The following PAQR9 variants were observed in gnomAD, a reference collection of about 807,000 sequenced individuals.
PAQR9 encodes membrane progestin receptor epsilon.
Under a neutral mutation model 24.0 loss-of-function variants are expected in PAQR9, and 12 were observed. The ratio of observed to expected loss-of-function variants is 0.50; its 90% CI spans 0.32 to 0.81. The LOEUF is 0.81. Among genes scored for constraint, PAQR9 ranks in the 30% least tolerant of loss-of-function variants. PAQR9 has a pLI of 0.03. For synonymous variants in PAQR9, 266 were observed against 237.6 expected (o/e 1.12, Z -1.10); for missense variants, 418 against 520.8 (o/e 0.80, Z 1.92).
downstream of PAQR9, chr3:142,952,648 G>A (rs1279773428): frequency 7.4e-6 from 3 of 404,334 alleles, no homozygotes; most frequent in African/African-American, 4.1e-5. Flanking sequence ...TCCTTTGTGA[G>A]TTACTTTGTT....
At chr3:142,963,951 C>T (rs1368529648), upstream of PAQR9, 8 of 914,462 alleles carry the variant, frequency 8.7e-6, no homozygotes, top group Admixed American at 1.2e-4. Flanking sequence ...GCGCCGAGTA[C>T]TAGAGTCGGC....
downstream of PAQR9, chr3:142,951,785 G>A (rs1481172342): frequency 2.2e-6 from 1 of 456,592 alleles, no homozygotes; most frequent in Non-Finnish European, 4.4e-6. Flanking sequence ...TTGATGTCAG[G>A]CATGAAAGTC....
rs1219584743 is a variant in PAQR9 at position 142,963,537 on chromosome 3, G to A, written c.-201C>T. The A allele has an allele frequency of 4.0e-6, 4 of 993,574 alleles. No individual in the cohort carries two copies. In the South Asian group the frequency reaches 1.4e-4, roughly 35 times the overall value. 61.5% of individuals were successfully genotyped at this position (993,574 alleles called of 1,614,324 possible). A position where few individuals can be genotyped will look rare whatever the true frequency, so the allele number is the denominator to read the frequency against. On this transcript the variant is annotated 5_prime_UTR_variant, in exon 1 of 1. Coordinates refer to ENST00000340634, the MANE Select transcript of PAQR9 (RefSeq NM_198504.4). ...ATAAGAGAATCAATTAATAGGCAGC[G>A]CTGCGACCGCCAGGAGCGCGGAGCG...
chr3:142,952,778 C>T (rs1211242162), downstream of PAQR9: 2 of 456,560 alleles, frequency 4.4e-6, no homozygotes, highest in Admixed American at 2.3e-5. Context: ...TGGGGAGGGA[C>T]AGGAAAACTT....
In PAQR9 at chr3:142,962,489, CAGAAGTAGCGGCGGT is replaced by C. The variant is rs1220560756; in HGVS notation, c.833_847del (p.Tyr278_Phe282del). 1 of 1,613,122 alleles carries C rather than the reference CAGAAGTAGCGGCGGT, an allele frequency of 6.2e-7. No homozygotes were observed. Among genetic ancestry groups the C allele is most frequent in the South Asian group, 1.1e-5 (1 of 90,980 alleles). On this transcript the variant is annotated inframe_deletion, in exon 1 of 1. Transcript: ENST00000340634. Reference sequence around the variant, plus strand: ...GTTGAAGAAGGCGGCCACCACCAGCCAGAAGTAGCGGCGGTAGAAGTGCACGAAGAGTGTGGGGTT... The same window carrying C: ...GTTGAAGAAGGCGGCCACCACCAGCCAGAAGTGCACGAAGAGTGTGGGGTT...
At chr3:142,963,720 C>A (rs926128853), upstream of PAQR9, 7 of 796,994 alleles carry the variant, frequency 8.8e-6, no homozygotes, top group Non-Finnish European at 1.1e-5. Flanking sequence ...GCCCCCGGAG[C>A]GGGAGGTGGG....
At position 142,962,264 on chromosome 3, in the gene PAQR9, A is replaced by T. The variant is rs773752770; in HGVS notation, c.1073T>A (p.Val358Asp). The change falls in exon 1 of 1, where the codon GTC becomes GAC. Residue 358 changes from valine to aspartate, a missense_variant. Around this residue, in one of 3 missense-constraint regions of PAQR9, gnomAD observed 230 missense variants for 305.2 expected, o/e 0.75. Coordinates refer to ENST00000340634, the MANE Select transcript of PAQR9 (RefSeq NM_198504.4). ...CTTCCTGATTACCAGCCCCAGGCAG[A>T]CCACCAGCAGCAGCATGTAGCCCAC... ...GTVGYMLLLV[V>D]CLGLVIRKFL... is the part of the protein sequence containing the mutation. The T allele has an allele frequency of 6.2e-7, 1 of 1,614,146 alleles. No individual in the cohort carries two copies. The highest frequency in any genetic ancestry group is 8.5e-7 in the Non-Finnish European group (1 of 1,180,034).
downstream of PAQR9, chr3:142,950,640 C>A: frequency 8.4e-6 from 3 of 359,098 alleles, no homozygotes; most frequent in South Asian, 2.2e-5. Flanking sequence ...TGGGGTAACT[C>A]AGAGAATTAT....
chr3:142,951,478 G>C (rs1311799773), downstream of PAQR9: 2 of 306,870 alleles, frequency 6.5e-6, no homozygotes, highest in African/African-American at 2.3e-5. Context: ...GGGGAATAAA[G>C]AGCATTCCTG....
chr3:142,960,715 G>A lies in PAQR9; in HGVS notation c.*1488C>T, dbSNP rs984341526. The A allele has an allele frequency of 5.9e-5, 9 of 152,322 alleles. No homozygotes were observed. The highest frequency in any genetic ancestry group is 2.1e-4 in the South Asian group (1 of 4,834). The allele number at this position is 152,322 out of a possible 1,614,324, so 9.4% of individuals were successfully genotyped here. ...CTCAATTACAGGTTAGCATTTGTAA[G>A]AAATGTCTAAATAACATTGGCTAAT... On this transcript the variant is annotated 3_prime_UTR_variant, in exon 1 of 1. Coordinates refer to ENST00000340634, the MANE Select transcript of PAQR9 (RefSeq NM_198504.4).
Position 142,961,647 on chromosome 3 carries a change from G to A in PAQR9, c.*556C>T, listed in dbSNP as rs1187004863. On this transcript the variant is annotated 3_prime_UTR_variant, in exon 1 of 1. Coordinates refer to ENST00000340634, the MANE Select transcript of PAQR9 (RefSeq NM_198504.4). ...ATATATTACTATTTAAATAACATCT[G>A]AAAAACATTTTGAAATAATTAACTT... 6.3e-6 allele frequency: 1 copy of A among 157,608 alleles called. No homozygotes were observed. The allele number at this position is 157,608 out of a possible 1,614,324, so 9.8% of individuals were successfully genotyped here.
rs1378726859 is a variant in PAQR9 at position 142,958,812 on chromosome 3, AT to A, written c.*3390del. 6.6e-6 allele frequency among the ~76,000 whole-genome samples: 1 copy of A among 152,122 alleles called. No individual in the cohort carries two copies. The highest frequency in any genetic ancestry group is 2.4e-5 in the African/African-American group (1 of 41,420). On this transcript the variant is annotated 3_prime_UTR_variant, in exon 1 of 1. Coordinates refer to ENST00000340634, the MANE Select transcript of PAQR9 (RefSeq NM_198504.4). ...ATGGCTAGTGGAAAAGTTCACATTT[AT>A]TTTTACAAGCCAGTCATGACATGAC...
rs13087652 is a variant in PAQR9 at position 142,955,285 on chromosome 3, G to A, written c.*6918C>T. ...GGAAATGGGTGAACCTCATAAGGCA[G>A]ATGGTTGGAGAAGGCCTAAATACAC... On this transcript the variant is annotated 3_prime_UTR_variant, in exon 1 of 1. Coordinates refer to ENST00000340634, the MANE Select transcript of PAQR9 (RefSeq NM_198504.4). Among the ~76,000 whole-genome samples the A allele has an allele frequency of 6.6e-6, 1 of 151,884 alleles. No individual in the cohort carries two copies. The highest frequency in any genetic ancestry group is 6.6e-5 in the Admixed American group (1 of 15,232).
rs1029459616 is a variant in PAQR9 at position 142,963,351 on chromosome 3, G to A, written c.-15C>T. 3 of 1,215,962 alleles carry A rather than the reference G, an allele frequency of 2.5e-6. No homozygotes were observed. Among genetic ancestry groups the A allele is most frequent in the African/African-American group, 3.2e-5 (2 of 63,268 alleles). The allele number at this position is 1,215,962 out of a possible 1,614,324, so 75.3% of individuals were successfully genotyped here. A position where few individuals can be genotyped will look rare whatever the true frequency, so the allele number is the denominator to read the frequency against. Reference sequence around the variant, plus strand: ...CGCCGCGGCATGGTGCCCGGGGCTCGGCTAGGGCGCGCGCAGGCGACCTCT... The same window carrying A: ...CGCCGCGGCATGGTGCCCGGGGCTCAGCTAGGGCGCGCGCAGGCGACCTCT... On this transcript the variant is annotated 5_prime_UTR_variant, in exon 1 of 1. Coordinates refer to ENST00000340634, the MANE Select transcript of PAQR9 (RefSeq NM_198504.4).
Position 142,963,223 on chromosome 3 carries a change from TG to T in PAQR9, c.113del (p.Pro38GlnfsTer37). On this transcript the variant is annotated frameshift_variant, in exon 1 of 1. Transcript: ENST00000340634. LOFTEE classifies it high-confidence loss of function. Reference sequence around the variant, plus strand: ...AGCGCAGCAGCGGCTTGGCAGACGCTGGGGGGTCCCGGGAGGCGGCAGAGTG... The same window carrying T: ...AGCGCAGCAGCGGCTTGGCAGACGCTGGGGGTCCCGGGAGGCGGCAGAGTG... ...NSHSAASRDP[P>X]ASAKPLLRWD... 5 of 1,556,876 alleles carry T rather than the reference TG, an allele frequency of 3.2e-6. No homozygotes were observed. The highest frequency in any genetic ancestry group is 1.7e-6 in the Non-Finnish European group (2 of 1,151,166).
At chr3:142,951,600 G>A, downstream of PAQR9, 1 of 422,558 alleles carries the variant, frequency 2.4e-6, no homozygotes, top group Non-Finnish European at 4.7e-6. Context: ...GCATTGGTTG[G>A]CTTACAAACT....
chr3:142,953,735 C>T (rs1415403256), downstream of PAQR9, among the ~76,000 whole-genome samples: 1 of 152,158 alleles, frequency 6.6e-6, no homozygotes, highest in South Asian at 2.1e-4. Context: ...TGGGAACTAA[C>T]CTCCACCCTC....
In PAQR9 at chr3:142,959,625, C is replaced by T. The variant is rs752591662; in HGVS notation, c.*2578G>A. Among the ~76,000 whole-genome samples, 9 of 152,196 alleles carry T rather than the reference C, an allele frequency of 5.9e-5. No homozygotes were observed. Among genetic ancestry groups the T allele is most frequent in the Non-Finnish European group, 1.0e-4 (7 of 68,030 alleles). On this transcript the variant is annotated 3_prime_UTR_variant, in exon 1 of 1. Coordinates refer to ENST00000340634, the MANE Select transcript of PAQR9 (RefSeq NM_198504.4). ...GCAAAAAGTGTGTCATCTCACTGTACTCATGCAGCATAATCACCTGAAAAA... is the reference window on the plus strand; with the variant it reads ...GCAAAAAGTGTGTCATCTCACTGTATTCATGCAGCATAATCACCTGAAAAA...
At chr3:142,953,851 G>C (rs1934753269), downstream of PAQR9, among the ~76,000 whole-genome samples, 1 of 152,164 alleles carries the variant, frequency 6.6e-6, no homozygotes, top group Non-Finnish European at 1.5e-5. Flanking sequence ...CCAGGAATTT[G>C]AATTGGGGAC....
Sources: gnomAD v4.1 joint callset for allele counts (sites outside exome capture counted in the v4.1 genomes callset) on GRCh38, gnomAD v4.1.1 for gene constraint, gnomAD v4.1.1 regional missense constraint, MANE v1.5 for transcripts, NCBI Gene and HGNC (gene_info 2026-07-23, HGNC 2026-07-21) for gene names.